PRIM2: variants seen among roughly 807,000 people sequenced by gnomAD.
PRIM2 encodes DNA primase large subunit.
Under a neutral mutation model 67.3 loss-of-function variants are expected in PRIM2, and 39 were observed. The observed-to-expected ratio is 0.58, with a 90% CI of 0.45 to 0.76. The LOEUF (loss-of-function observed/expected upper bound fraction) is 0.76, where lower values mean the gene tolerates loss of function less well. Among genes scored for constraint, PRIM2 ranks in the 30% least tolerant of loss-of-function variants. The pLI is 0.00. For missense variants in PRIM2, 398 were observed against 598.7 expected (o/e 0.66, Z 3.50); for synonymous variants, 143 against 198.7 (o/e 0.72, Z 2.36).
chr6:57,240,091 G>GTTTTTTTT, the PRIM2 span, among the ~76,000 whole-genome samples: 16 of 90,010 alleles, frequency 1.8e-4, 1 homozygote, highest in African/African-American at 6.6e-4. Flanking sequence ...TCAATAATCT[G>GTTTTTTTT]TTTTTTTTTT....
intron 10 of PRIM2, among the ~76,000 whole-genome samples, chr6:57,538,596 A>G (rs1328824672): frequency 5.3e-5 from 8 of 152,330 alleles, no homozygotes; most frequent in African/African-American, 1.9e-4. Flanking sequence ...TACATTTTAT[A>G]GTACTTTATT....
At chr6:57,451,112 C>G (rs1772530205) in intron 7 of PRIM2, among the ~76,000 whole-genome samples, 2 of 152,182 alleles carry the variant, frequency 1.3e-5, no homozygotes, top group East Asian at 3.9e-4. Context: ...TACCTTATAA[C>G]TAAATGTGAT....
chr6:57,528,812 T>C (rs1299352182), intron 8 of PRIM2, among the ~76,000 whole-genome samples: 1 of 152,212 alleles, frequency 6.6e-6, no homozygotes, highest in African/African-American at 2.4e-5. Context: ...TTTCTGTACT[T>C]ATTGGTCAAG....
chr6:57,558,878 A>C, intron 10 of PRIM2, among the ~76,000 whole-genome samples: 1 of 152,204 alleles, frequency 6.6e-6, no homozygotes, highest in Admixed American at 6.5e-5. Flanking sequence ...CTATAATCTC[A>C]GTGCTGTGGG....
intron 7 of PRIM2, among the ~76,000 whole-genome samples, chr6:57,457,102 A>G (rs1159682102): frequency 1.3e-5 from 2 of 152,142 alleles, no homozygotes; most frequent in Non-Finnish European, 2.9e-5. Flanking sequence ...GCAGAACAGC[A>G]GATATTGGTG....
At chr6:57,327,948 G>A (rs938190885) in intron 5 of PRIM2, among the ~76,000 whole-genome samples, 2 of 152,152 alleles carry the variant, frequency 1.3e-5, no homozygotes, top group African/African-American at 4.8e-5. Context: ...ATTATCATAA[G>A]GAGTGCACAT....
the PRIM2 span, among the ~76,000 whole-genome samples, chr6:57,265,517 G>A: frequency 8.9e-4 from 135 of 152,210 alleles, 1 homozygote; most frequent in African/African-American, 2.8e-3. Flanking sequence ...TTTGGTTTAC[G>A]GTAGACGCTC....
At chr6:57,369,653 G>A (rs908153923) in intron 5 of PRIM2, among the ~76,000 whole-genome samples, 3 of 152,288 alleles carry the variant, frequency 2.0e-5, no homozygotes, top group Non-Finnish European at 2.9e-5. Context: ...TGTGTTTCAT[G>A]TTGAGCCATT....
chr6:57,247,860 A>G, the PRIM2 span, among the ~76,000 whole-genome samples: 4 of 152,228 alleles, frequency 2.6e-5, no homozygotes, highest in African/African-American at 9.6e-5. Context: ...ATACATTTGT[A>G]GCCCTGACTA....
At chr6:57,543,025 G>T (rs1775203711) in intron 10 of PRIM2, among the ~76,000 whole-genome samples, 1 of 136,172 alleles carries the variant, frequency 7.3e-6, no homozygotes, top group South Asian at 2.3e-4. Context: ...TGCAGGCTCC[G>T]CCCCCTGGGC....
intron 10 of PRIM2, among the ~76,000 whole-genome samples, chr6:57,579,269 A>C (rs1473213701): frequency 6.6e-6 from 1 of 152,078 alleles, no homozygotes; most frequent in African/African-American, 2.4e-5. Flanking sequence ...AAAAGAAACA[A>C]ACCCTCGCCT....
rs1776288413 is a variant in PRIM2, at chr6:57,591,925, C to T, written c.1021-9168C>T. 2.0e-5 allele frequency among the ~76,000 whole-genome samples: 3 copies of T among 152,040 alleles called. No individual in the cohort carries two copies. In the South Asian group the frequency reaches 6.2e-4, roughly 32 times the overall value. On this transcript the variant is annotated intron_variant, in intron 10 of 13. Coordinates refer to ENST00000615550, the MANE Select transcript of PRIM2 (RefSeq NM_000947.5). ...CAAAGATATGAAATCAACCCAGGTA[C>T]CCATCAAACGTGAATTAGATAAAGA... is the stretch of plus-strand genomic sequence containing the variant.
At chr6:57,328,552 T>G (rs1416040246) in intron 5 of PRIM2, among the ~76,000 whole-genome samples, 1 of 152,366 alleles carries the variant, frequency 6.6e-6, no homozygotes, top group East Asian at 1.9e-4. Context: ...AAATAATATT[T>G]TACCTGTTCA....
chr6:57,620,094 G>A (rs1204061490), intron 12 of PRIM2, among the ~76,000 whole-genome samples: 1 of 152,108 alleles, frequency 6.6e-6, no homozygotes, highest in Non-Finnish European at 1.5e-5. Context: ...TACTTGGGAG[G>A]CTGAGGCAGG....
At chr6:57,392,795 T>G (rs1258624524) in intron 7 of PRIM2, among the ~76,000 whole-genome samples, 1 of 152,080 alleles carries the variant, frequency 6.6e-6, no homozygotes, top group East Asian at 1.9e-4. Flanking sequence ...CAGTATACGC[T>G]ACACCATTAT....
At chr6:57,506,355 A>G (rs1774251507) in intron 7 of PRIM2, among the ~76,000 whole-genome samples, 1 of 152,100 alleles carries the variant, frequency 6.6e-6, no homozygotes, top group Non-Finnish European at 1.5e-5. Context: ...TATTTGCATA[A>G]TATAAAAATT....
In PRIM2 at chr6:57,638,576, C is replaced by CAAAAAAAA. The variant is rs1227220865; in HGVS notation, c.1299+6391_1299+6398dup. Among the ~76,000 whole-genome samples the CAAAAAAAA allele has an allele frequency of 6.8e-3, 216 of 31,966 alleles. 1 individual carries two copies. The highest frequency in any genetic ancestry group is 0.011 in the East Asian group (8 of 714). The allele number at this position is 31,966 out of a possible 152,430, so 21.0% of individuals were successfully genotyped here. On this transcript the variant is annotated intron_variant, in intron 13 of 13. Transcript: ENST00000615550. Reference sequence around the variant, plus strand: ...GAATATTTACCAAGCAAACAGAAAGCAAAAAAAAAAAAAAAAAAAAAAAGC... The same window carrying CAAAAAAAA: ...GAATATTTACCAAGCAAACAGAAAGCAAAAAAAAAAAAAAAAAAAAAAAAAAAAAAAGC...
chr6:57,457,397 A>C (rs1228203813), intron 7 of PRIM2, among the ~76,000 whole-genome samples: 1 of 152,218 alleles, frequency 6.6e-6, no homozygotes, highest in Non-Finnish European at 1.5e-5. Flanking sequence ...TGGAGTCTGC[A>C]GAGGCAGGCA....
At chr6:57,644,304 C>T (rs1351575170) in intron 13 of PRIM2, among the ~76,000 whole-genome samples, 97 of 152,070 alleles carry the variant, frequency 6.4e-4, no homozygotes, top group Admixed American at 3.2e-3. Flanking sequence ...TATTGCCTTT[C>T]CCCTCATCAT....
Sources: gnomAD v4.1 joint callset for allele counts (sites outside exome capture counted in the v4.1 genomes callset) on GRCh38, gnomAD v4.1.1 for gene constraint, MANE v1.5 for transcripts, NCBI Gene and HGNC (gene_info 2026-07-23, HGNC 2026-07-21) for gene names.